Variants in NHS observed in about 807,000 individuals in gnomAD.
The protein encoded by NHS is NHS actin remodeling regulator.
In NHS, 5 loss-of-function variants were observed where a neutral mutation model predicts 72.5. That is an observed-to-expected ratio of 0.07 (90% CI 0.04 to 0.14). The LOEUF (loss-of-function observed/expected upper bound fraction) is 0.14. Among genes scored for constraint, NHS ranks in the 10% least tolerant of loss-of-function variants. The pLI is 1.00. For missense variants in NHS, 1,072 were observed against 1,355.7 expected (o/e 0.79, Z 3.29); for synonymous variants, 464 against 547.7 (o/e 0.85, Z 2.13).
chrX:17,377,416 CG>C (rs771437939), intron 1 of NHS, among the ~76,000 whole-genome samples: 3 of 113,305 alleles, frequency 2.6e-5, no homozygotes, highest in African/African-American at 9.6e-5. Flanking sequence ...GTTGGCGCGA[CG>C]GTCCTTTGGC....
intron 1 of NHS, among the ~76,000 whole-genome samples, chrX:17,501,921 G>C (rs1270656911): frequency 8.9e-6 from 1 of 112,070 alleles, no homozygotes; most frequent in Non-Finnish European, 1.9e-5. Flanking sequence ...AATATTAAGA[G>C]TCTTTGGCAC....
In NHS at chrX:17,375,324, C is replaced by A. The variant is rs1028620402; in HGVS notation, c.-434C>A. 1.7e-5 allele frequency: 5 copies of A among 299,890 alleles called. No homozygotes were observed. The highest frequency in any genetic ancestry group is 2.9e-5 in the Non-Finnish European group (5 of 172,985). 24.7% of individuals were successfully genotyped at this position (299,890 alleles called of 1,213,427 possible). A position where few individuals can be genotyped will look rare whatever the true frequency, so the allele number is the denominator to read the frequency against. ...GCGCCGGGGTACTTTCAAACTGAGG[C>A]GCGCGCACACACTCACACCCACCCA... is the stretch of plus-strand genomic sequence containing the variant. On this transcript the variant is annotated 5_prime_UTR_variant, in exon 1 of 9. Coordinates refer to ENST00000676302, the MANE Select transcript of NHS (RefSeq NM_001291867.2).
chrX:17,395,245 A>T (rs1042994104), intron 1 of NHS, among the ~76,000 whole-genome samples: 1 of 111,860 alleles, frequency 8.9e-6, no homozygotes, highest in Non-Finnish European at 1.9e-5. Flanking sequence ...GGCTGGGATT[A>T]GAACATCTAA....
At chrX:17,429,070 T>G (rs555189706) in intron 1 of NHS, among the ~76,000 whole-genome samples, 1 of 111,735 alleles carries the variant, frequency 8.9e-6, no homozygotes, top group Non-Finnish European at 1.9e-5. Flanking sequence ...ACGCACACAC[T>G]TGTGGAATTC....
At chrX:17,396,328 G>A (rs771514187) in intron 1 of NHS, among the ~76,000 whole-genome samples, 6 of 110,774 alleles carry the variant, frequency 5.4e-5, no homozygotes, top group South Asian at 3.8e-4. Context: ...CTTTTTTACC[G>A]TATTATCCTA....
intron 1 of NHS, among the ~76,000 whole-genome samples, chrX:17,514,328 A>G (rs2065107609): frequency 8.9e-6 from 1 of 112,322 alleles, no homozygotes; most frequent in South Asian, 3.7e-4. Context: ...GGCTAGAATA[A>G]AGCAGGCAGA....
intron 1 of NHS, among the ~76,000 whole-genome samples, chrX:17,538,425 G>A (rs1601755228): frequency 9.0e-6 from 1 of 111,687 alleles, no homozygotes; most frequent in Non-Finnish European, 1.9e-5. Context: ...TAAAGAGTAG[G>A]CTCCCAGCGT....
intron 1 of NHS, among the ~76,000 whole-genome samples, chrX:17,638,276 A>G (rs954989071): frequency 4.5e-5 from 5 of 112,244 alleles, no homozygotes; most frequent in African/African-American, 1.6e-4. Flanking sequence ...GGAGCAAGGC[A>G]TAGGCTGCCA....
At chrX:17,643,941 G>C (rs2065894181) in intron 1 of NHS, among the ~76,000 whole-genome samples, 1 of 112,103 alleles carries the variant, frequency 8.9e-6, no homozygotes, top group Non-Finnish European at 1.9e-5. Context: ...TGAGAAAGAT[G>C]ATAGTTTGTC....
At chrX:17,531,256 C>T (rs1455520492) in intron 1 of NHS, among the ~76,000 whole-genome samples, 1 of 107,623 alleles carries the variant, frequency 9.3e-6, no homozygotes, top group Non-Finnish European at 1.9e-5. Flanking sequence ...TGAGCTTTCT[C>T]ATCCCCCTTC....
chrX:17,395,493 C>G (rs747824109), intron 1 of NHS, among the ~76,000 whole-genome samples: 63 of 112,445 alleles, frequency 5.6e-4, no homozygotes, highest in Non-Finnish European at 1.2e-3. Flanking sequence ...AAAACATTCA[C>G]CTCATGGACA....
chrX:17,723,144 T>C (rs2066415606), intron 5 of NHS, among the ~76,000 whole-genome samples: 1 of 112,386 alleles, frequency 8.9e-6, no homozygotes, highest in African/African-American at 3.2e-5. Context: ...TAATTATTCA[T>C]CATATGATAT....
At chrX:17,673,358 G>C (rs1054329696) in intron 1 of NHS, among the ~76,000 whole-genome samples, 3 of 110,880 alleles carry the variant, frequency 2.7e-5, no homozygotes, top group African/African-American at 9.9e-5. Context: ...CCTTTCTGGG[G>C]TGAACATGGT....
intron 1 of NHS, among the ~76,000 whole-genome samples, chrX:17,394,726 C>G (rs190135916): frequency 9.0e-6 from 1 of 111,053 alleles, no homozygotes; most frequent in East Asian, 2.8e-4. Flanking sequence ...AACCCCCTAA[C>G]TTCTTCCTAT....
chrX:17,400,739 G>C (rs144352766), intron 1 of NHS, among the ~76,000 whole-genome samples: 35 of 112,262 alleles, frequency 3.1e-4, no homozygotes, highest in African/African-American at 1.1e-3. Context: ...ACATAAAGAA[G>C]ATTAAATAAA....
In NHS at chrX:17,657,912, C is replaced by T. The variant is rs758762462; in HGVS notation, c.566-29830C>T. On this transcript the variant is annotated intron_variant, in intron 1 of 8. Coordinates refer to ENST00000676302, the MANE Select transcript of NHS (RefSeq NM_001291867.2). Reference sequence around the variant, plus strand: ...TGCCAACTTCCTACTGTGTTCATAGCAGCTGGGCTACTACTCTTTCCTTTC... The same window carrying T: ...TGCCAACTTCCTACTGTGTTCATAGTAGCTGGGCTACTACTCTTTCCTTTC... Among the ~76,000 whole-genome samples the T allele has an allele frequency of 5.3e-5, 6 of 113,099 alleles. No homozygotes were observed. The South Asian group carries it at 2.2e-3, about 41-fold the overall frequency.
intron 1 of NHS, among the ~76,000 whole-genome samples, chrX:17,378,074 G>GTGTGTGTA (rs1320466856): frequency 2.7e-5 from 3 of 110,496 alleles, no homozygotes; most frequent in South Asian, 3.9e-4. Context: ...GTGTGTGTGT[G>GTGTGTGTA]TGTGTGTGTG....
At chrX:17,682,843 C>T (rs1368083471) in intron 1 of NHS, among the ~76,000 whole-genome samples, 1 of 110,972 alleles carries the variant, frequency 9.0e-6, no homozygotes, top group Non-Finnish European at 1.9e-5. Flanking sequence ...TGAGTAGCAC[C>T]CCTAACAGGG....
At chrX:17,596,290 T>C (rs1360078111) in intron 1 of NHS, among the ~76,000 whole-genome samples, 1 of 111,980 alleles carries the variant, frequency 8.9e-6, no homozygotes, top group East Asian at 2.8e-4. Context: ...ATGGGAAGGA[T>C]GGCTTGGGAG....
Sources: gnomAD v4.1 joint callset for allele counts (sites outside exome capture counted in the v4.1 genomes callset) on GRCh38, gnomAD v4.1.1 for gene constraint, MANE v1.5 for transcripts, NCBI Gene and HGNC (gene_info 2026-07-23, HGNC 2026-07-21) for gene names.